Variants in RUNDC1 observed in about 807,000 individuals in gnomAD.
The protein encoded by RUNDC1 is RUN domain-containing protein 1.
RUNDC1 carries 31 observed loss-of-function variants against 49.3 expected under a neutral mutation model. The observed-to-expected ratio is 0.63, with a 90% confidence interval of 0.47 to 0.85. RUNDC1 has a LOEUF of 0.85. RUNDC1 is among the 40% of genes least tolerant of loss of function. The pLI, the probability that RUNDC1 is intolerant of heterozygous loss-of-function variation, is 0.00. For synonymous variants in RUNDC1, 347 were observed against 348.6 expected (o/e 1.00, Z 0.05); for missense variants, 715 against 806.7 (o/e 0.89, Z 1.38).
In RUNDC1 at chr17:42,994,226, G is replaced by A. The variant is rs1183058134; in HGVS notation, c.*2510G>A. Among the ~76,000 whole-genome samples, 3 of 152,224 alleles carry A rather than the reference G, an allele frequency of 2.0e-5. No homozygotes were observed. Among genetic ancestry groups the A allele is most frequent in the East Asian group, 1.9e-4 (1 of 5,192 alleles). ...GTGGTAACTGGTATAGCCATATGGC[G>A]TAGCCCAGCGATCACCCCAGTATTG... is the stretch of plus-strand genomic sequence containing the variant. On this transcript the variant is annotated 3_prime_UTR_variant, in exon 5 of 5. Transcript: ENST00000361677.
rs961750871 is a variant in RUNDC1 at position 42,989,471 on chromosome 17, A to G, written c.788A>G (p.Lys263Arg). 2.5e-6 allele frequency: 4 copies of G among 1,614,056 alleles called. No homozygotes were observed. The highest frequency in any genetic ancestry group is 3.4e-6 in the Non-Finnish European group (4 of 1,180,030). ...CAGATCGTCAACCCAGCCCGAGTCA[A>G]AGAACAGTTGGTTGAGCAACTGAAA... ...VAQIVNPARV[K>R]EQLVEQLKTQ... is the part of the protein sequence containing the mutation. The change falls in exon 3 of 5, where the codon AAA (lysine) becomes AGA (arginine). Residue 263 changes from lysine to arginine, a missense_variant. Lys to Arg is a conservative substitution (Grantham distance 26). Around this residue, in one of 5 missense-constraint regions of RUNDC1, gnomAD observed 425 missense variants for 499.7 expected, o/e 0.85. Coordinates refer to ENST00000361677, the MANE Select transcript of RUNDC1 (RefSeq NM_173079.5).
chr17:42,991,841 T>C lies in RUNDC1; in HGVS notation c.*125T>C. ...TTTTTCCCAGACCCTGCTCAGGCAG[T>C]CGGCCAAATGAGTGCAAAGTCTGTT... is the stretch of plus-strand genomic sequence containing the variant. On this transcript the variant is annotated 3_prime_UTR_variant, in exon 5 of 5. Coordinates refer to ENST00000361677, the MANE Select transcript of RUNDC1 (RefSeq NM_173079.5). 2 of 1,022,674 alleles carry C rather than the reference T, an allele frequency of 2.0e-6. No individual in the cohort carries two copies. Among genetic ancestry groups the C allele is most frequent in the Non-Finnish European group, 2.8e-6 (2 of 704,676 alleles). The allele number at this position is 1,022,674 out of a possible 1,614,324, so 63.3% of individuals were successfully genotyped here. A position where few individuals can be genotyped will look rare whatever the true frequency, so the allele number is the denominator to read the frequency against.
intron 1 of RUNDC1, 56 bp from the exon 2 acceptor site, chr17:42,987,200 T>C (rs2050182551): frequency 7.1e-7 from 1 of 1,415,032 alleles, no homozygotes; most frequent in African/African-American, 1.4e-5. Context: ...AGATTCTTAA[T>C]GTGCCCTGAG....
Position 42,980,684 on chromosome 17 carries a change from G to T in RUNDC1, c.108G>T (p.Glu36Asp). Residue 36 changes from glutamate to aspartate, a missense_variant, in exon 1 of 5, where the codon GAG becomes GAT. By Grantham distance (45) the Glu-to-Asp change is conservative. Coordinates refer to ENST00000361677, the MANE Select transcript of RUNDC1 (RefSeq NM_173079.5). The part of the protein sequence containing the change: ...EEEEEPLPPC[E>D]AVRWAPVGAV... The stretch of plus-strand genomic sequence containing the variant: ...AAGAGGAGCCGCTGCCACCGTGCGA[G>T]GCGGTGCGCTGGGCCCCAGTGGGGG... The T allele has an allele frequency of 6.4e-7, 1 of 1,573,756 alleles. No homozygotes were observed. Among genetic ancestry groups the T allele is most frequent in the Non-Finnish European group, 8.6e-7 (1 of 1,162,944 alleles).
At chr17:42,986,621 C>T (rs563228158) in intron 1 of RUNDC1, among the ~76,000 whole-genome samples, 141 of 151,990 alleles carry the variant, frequency 9.3e-4, no homozygotes, top group African/African-American at 3.1e-3. Flanking sequence ...CTTCAGCCTC[C>T]CAAGTAGCTG....
At chr17:42,990,747 G>A in intron 4 of RUNDC1, 104 bp from the exon 5 acceptor site, 1 of 1,400,772 alleles carries the variant, frequency 7.1e-7, no homozygotes, top group East Asian at 2.3e-5. Context: ...GCCTTCATGT[G>A]AGACCCAGCA....
At chr17:42,987,175 A>G (rs1029051661) in intron 1 of RUNDC1, 81 bp from the exon 2 acceptor site, 6 of 969,930 alleles carry the variant, frequency 6.2e-6, no homozygotes, top group Non-Finnish European at 9.5e-6. Flanking sequence ...TTTATTGGTC[A>G]TTACTGGCTC....
intron 1 of RUNDC1, among the ~76,000 whole-genome samples, chr17:42,983,875 T>G (rs1204210853): frequency 6.6e-6 from 1 of 151,928 alleles, no homozygotes; most frequent in Admixed American, 6.6e-5. Context: ...TTTTGCCATG[T>G]CGGCCAGGCT....
At chr17:42,986,687 G>A (rs1168622523) in intron 1 of RUNDC1, among the ~76,000 whole-genome samples, 1 of 151,730 alleles carries the variant, frequency 6.6e-6, no homozygotes, top group Non-Finnish European at 1.5e-5. Context: ...ATTTTTAGTA[G>A]AGACGGGGTT....
At chr17:42,987,447 C>T (rs778941966) in intron 2 of RUNDC1, 33 bp downstream of exon 2, 13 of 1,606,928 alleles carry the variant, frequency 8.1e-6, no homozygotes, top group Non-Finnish European at 1.1e-5. Context: ...TCCACCACTG[C>T]CCGAGGTTAA....
At chr17:42,988,985 C>G (rs1278808608) in intron 2 of RUNDC1, among the ~76,000 whole-genome samples, 1 of 152,084 alleles carries the variant, frequency 6.6e-6, no homozygotes, top group Non-Finnish European at 1.5e-5. Flanking sequence ...TCTTAAAAAT[C>G]AGTATATATT....
At position 42,994,041 on chromosome 17, in the gene RUNDC1, A is replaced by G. The variant is rs186541513; in HGVS notation, c.*2325A>G. Among the ~76,000 whole-genome samples the G allele has an allele frequency of 7.9e-5, 12 of 152,188 alleles. No individual in the cohort carries two copies. Among genetic ancestry groups the G allele is most frequent in the Admixed American group, 6.5e-4 (10 of 15,272 alleles). ...CGCCTGGCTAATGTTTGTATTTTTA[A>G]TAGAGAGGGTTTCACCACATTTGTC... On this transcript the variant is annotated 3_prime_UTR_variant, in exon 5 of 5. Coordinates refer to ENST00000361677, the MANE Select transcript of RUNDC1 (RefSeq NM_173079.5).
Position 42,990,403 on chromosome 17 carries a change from GGCA to G in RUNDC1, c.951_953del (p.Ser317del), listed in dbSNP as rs1567732354. 1 of 1,614,008 alleles carries G rather than the reference GGCA, an allele frequency of 6.2e-7. No individual in the cohort carries two copies. Among genetic ancestry groups the G allele is most frequent in the East Asian group, 2.2e-5 (1 of 44,874 alleles). ...GACAGGAAATGGCTGCAGCAGAACA[GGCA>G]GCAGCAGAACGCCTCCAGGAAACAG... On this transcript the variant is annotated inframe_deletion, in exon 4 of 5. Coordinates refer to ENST00000361677, the MANE Select transcript of RUNDC1 (RefSeq NM_173079.5).
In RUNDC1 at chr17:42,989,558, A is replaced by G; in HGVS notation, c.856+19A>G. On this transcript the variant is annotated intron_variant, in intron 3 of 4. Transcript: ENST00000361677. Reference sequence around the variant, plus strand: ...ATCCAAGGTTAGAGGAGGGGATGGGATGAGAAGGGTGGACAGGTGTCATAA... The same window carrying G: ...ATCCAAGGTTAGAGGAGGGGATGGGGTGAGAAGGGTGGACAGGTGTCATAA... The G allele has an allele frequency of 6.2e-7, 1 of 1,600,604 alleles. No individual in the cohort carries two copies. Among genetic ancestry groups the G allele is most frequent in the Non-Finnish European group, 8.6e-7 (1 of 1,167,696 alleles).
intron 2 of RUNDC1, among the ~76,000 whole-genome samples, chr17:42,987,914 G>A (rs2050191226): frequency 6.6e-6 from 1 of 151,756 alleles, no homozygotes; most frequent in Admixed American, 6.6e-5. Flanking sequence ...CACCATGCTG[G>A]GCTAATTTTG....
chr17:42,984,824 A>G (rs538746950), intron 1 of RUNDC1, among the ~76,000 whole-genome samples: 2 of 151,670 alleles, frequency 1.3e-5, no homozygotes, highest in Admixed American at 6.6e-5. Context: ...TGGTTAGACA[A>G]CTTTCTCCAC....
intron 1 of RUNDC1, among the ~76,000 whole-genome samples, chr17:42,986,643 G>A (rs374608891): frequency 3.9e-5 from 6 of 151,998 alleles, no homozygotes; most frequent in Middle Eastern, 3.4e-3. Flanking sequence ...GACTACAGGC[G>A]CCCGCCACCA....
At position 42,992,314 on chromosome 17, in the gene RUNDC1, ATC is replaced by A; in HGVS notation, c.*601_*602del. Reference sequence around the variant, plus strand: ...CCAGGCACAGTGGCTCACGCCTGTAATCTCAGCACATTGGGAGGCTGAGGTGG... The same window carrying A: ...CCAGGCACAGTGGCTCACGCCTGTAATCAGCACATTGGGAGGCTGAGGTGG... On this transcript the variant is annotated 3_prime_UTR_variant, in exon 5 of 5. Coordinates refer to ENST00000361677, the MANE Select transcript of RUNDC1 (RefSeq NM_173079.5). 6.5e-6 allele frequency: 1 copy of A among 152,914 alleles called. No individual in the cohort carries two copies. The highest frequency in any genetic ancestry group is 6.5e-5 in the Admixed American group (1 of 15,308). 9.5% of individuals were successfully genotyped at this position (152,914 alleles called of 1,614,324 possible).
At chr17:42,984,973 C>G (rs995665997) in intron 1 of RUNDC1, among the ~76,000 whole-genome samples, 6 of 148,730 alleles carry the variant, frequency 4.0e-5, no homozygotes, top group East Asian at 4.0e-4. Context: ...TTGGCTCACT[C>G]CAACCTCCGC....
Sources: gnomAD v4.1 joint callset for allele counts (sites outside exome capture counted in the v4.1 genomes callset) on GRCh38, gnomAD v4.1.1 for gene constraint, gnomAD v4.1.1 regional missense constraint, MANE v1.5 for transcripts, NCBI Gene and HGNC (gene_info 2026-07-23, HGNC 2026-07-21) for gene names.